The following FANCD2 variants were observed in gnomAD, a reference collection of about 807,000 sequenced individuals.
FANCD2 encodes Fanconi anemia group D2 protein.
In FANCD2, 131 loss-of-function variants were observed where a neutral mutation model predicts 192.3. The observed-to-expected ratio is 0.68, with a 90% CI of 0.59 to 0.79. The LOEUF (loss-of-function observed/expected upper bound fraction) is 0.79. FANCD2 is among the 30% of genes least tolerant of loss of function. The probability of loss-of-function intolerance (pLI) is 0.00; values close to 1 mark genes in which losing one functional copy is unlikely to be tolerated. For missense variants in FANCD2, 1,508 were observed against 1,701.6 expected (o/e 0.89, Z 2.00); for synonymous variants, 524 against 612.5 (o/e 0.86, Z 2.13).
intron 14 of FANCD2, among the ~76,000 whole-genome samples, chr3:10,045,101 T>TTTTTC (rs397948524): frequency 4.7e-5 from 7 of 149,080 alleles, no homozygotes; most frequent in African/African-American, 1.5e-4. Flanking sequence ...TTTTTTTTTT[T>TTTTTC]CCTGGAAGCA....
At chr3:10,055,896 T>C (rs1371549317) in intron 18 of FANCD2, among the ~76,000 whole-genome samples, 1 of 152,228 alleles carries the variant, frequency 6.6e-6, no homozygotes, top group Non-Finnish European at 1.5e-5. Context: ...TTTGTTTTGT[T>C]GAGATGGAGT....
intron 32 of FANCD2, chr3:10,083,658 G>A (rs7639624): frequency 0.23 from 34,338 of 152,082 alleles, 5,004 homozygotes; most frequent in African/African-American, 0.42. Flanking sequence ...GGAGGCCGAG[G>A]CGGGCAGATC....
intron 7 of FANCD2, among the ~76,000 whole-genome samples, chr3:10,037,937 T>C (rs1030016413): frequency 3.3e-5 from 5 of 152,152 alleles, no homozygotes; most frequent in African/African-American, 1.2e-4. Context: ...TTATAGTCAT[T>C]TTTATGTTCT....
intron 2 of FANCD2, 102 bp from the exon 3 acceptor site, chr3:10,032,730 T>A (rs771978225): frequency 1.0e-6 from 1 of 999,590 alleles, no homozygotes; most frequent in East Asian, 2.4e-5. Context: ...GTATAATTTT[T>A]AAGGACACAT....
At chr3:10,073,495 G>A in intron 28 of FANCD2, 133 bp downstream of exon 28, 1 of 783,360 alleles carries the variant, frequency 1.3e-6, no homozygotes, top group Non-Finnish European at 2.3e-6. Context: ...TTAGGCGTTG[G>A]AGTAATCTCC....
rs56347566 is a variant in FANCD2, at chr3:10,066,282, T to C, written c.2385+303T>C. Among the ~76,000 whole-genome samples, 1,277 of 152,350 alleles carry C rather than the reference T, an allele frequency of 8.4e-3. 22 individuals are homozygous for C. The highest frequency in any genetic ancestry group is 0.029 in the African/African-American group (1,197 of 41,576). ...CCTGGCACAGGCATATGCCTACTGT[T>C]TTGATTCAGTGAGTGGTGGTAGTTT... is the stretch of plus-strand genomic sequence containing the variant. On this transcript the variant is annotated intron_variant, in intron 25 of 43. Transcript: ENST00000675286.
rs1019595741 is a variant in FANCD2 at position 10,046,482 on chromosome 3, A to G, written c.1135-98A>G. 1.2e-5 allele frequency: 19 copies of G among 1,564,210 alleles called. No homozygotes were observed. The African/African-American group carries it at 2.0e-4, about 17-fold the overall frequency. On this transcript the variant is annotated intron_variant, in intron 14 of 43. Transcript: ENST00000675286. ...TGTGTGGAACAAATGAGCATTATCC[A>G]TTCTGTGTTTTAATTAGAGGAAAAG...
At chr3:10,035,093 C>T in intron 5 of FANCD2, 80 bp from the exon 6 acceptor site, 2 of 1,228,840 alleles carry the variant, frequency 1.6e-6, no homozygotes, top group Non-Finnish European at 2.4e-6. Flanking sequence ...ATGTATTTAA[C>T]CAATTTTATT....
intron 17 of FANCD2, among the ~76,000 whole-genome samples, chr3:10,050,212 T>C (rs537682377): frequency 7.2e-5 from 11 of 152,302 alleles, no homozygotes; most frequent in South Asian, 6.2e-4. Context: ...GATTGGAGAC[T>C]GCTGAAATGG....
intron 26 of FANCD2, 98 bp downstream of exon 26, chr3:10,067,415 CA>C: frequency 1.4e-6 from 1 of 739,246 alleles, no homozygotes. Flanking sequence ...AAAGACACAT[CA>C]AAAAAAGAAA....
intron 40 of FANCD2, chr3:10,094,931 C>T (rs1694862662): frequency 2.1e-6 from 1 of 485,494 alleles, no homozygotes; most frequent in South Asian, 2.2e-5. Context: ...CCTAATGTTG[C>T]AGATGGGAAA....
At chr3:10,046,860 T>C in intron 15 of FANCD2, 137 bp downstream of exon 15, 5 of 766,994 alleles carry the variant, frequency 6.5e-6, no homozygotes, top group Non-Finnish European at 1.1e-5. Context: ...ATCATTTTAA[T>C]TGTCTATCTC....
chr3:10,055,345 A>T (rs919411922), intron 18 of FANCD2, among the ~76,000 whole-genome samples: 124 of 152,216 alleles, frequency 8.1e-4, no homozygotes, highest in African/African-American at 2.9e-3. Flanking sequence ...CCCACCCCCT[A>T]ATAATCACTA....
chr3:10,079,647 C>T (rs1693723217), intron 30 of FANCD2, among the ~76,000 whole-genome samples: 1 of 152,110 alleles, frequency 6.6e-6, no homozygotes. Flanking sequence ...TTCTAAATGC[C>T]CTGAACATTC....
In FANCD2 at chr3:10,101,377, C is replaced by A; in HGVS notation, c.*115C>A. The A allele has an allele frequency of 1.0e-5, 4 of 388,316 alleles. No individual in the cohort carries two copies. The highest frequency in any genetic ancestry group is 1.4e-5 in the Non-Finnish European group (3 of 218,362). 24.1% of individuals were successfully genotyped at this position (388,316 alleles called of 1,614,324 possible). A position where few individuals can be genotyped will look rare whatever the true frequency, so the allele number is the denominator to read the frequency against. On this transcript the variant is annotated 3_prime_UTR_variant, in exon 44 of 44. Transcript: ENST00000675286. ...ACTGGTAGGATCCTTTTTTGTTCCT[C>A]TTTTTTTTTTTTTTTTTTTTTTTTT...
intron 32 of FANCD2, among the ~76,000 whole-genome samples, chr3:10,081,682 G>T (rs35480284): frequency 6.6e-6 from 1 of 152,270 alleles, no homozygotes; most frequent in East Asian, 1.9e-4. Flanking sequence ...TGACAGATTA[G>T]GTGACTTGCT....
intron 28 of FANCD2, 149 bp downstream of exon 28, chr3:10,073,511 A>G (rs1693369833): frequency 1.3e-6 from 1 of 747,244 alleles, no homozygotes; most frequent in Non-Finnish European, 2.4e-6. Flanking sequence ...TCTCCTTAGT[A>G]GCAAAGTTCA....
At chr3:10,084,772 G>A (rs994772938) in intron 32 of FANCD2, among the ~76,000 whole-genome samples, 3 of 152,312 alleles carry the variant, frequency 2.0e-5, no homozygotes, top group East Asian at 1.9e-4. Context: ...GATCTAGGAC[G>A]TCAGATTGTG....
rs371757266 is a variant in FANCD2, at chr3:10,098,810, A to G, written c.4276A>G (p.Thr1426Ala). ...MSSQASKSKA[T>A]EDGEEDEVSA... ...ATCCCAGGCCTCCAAGAGCAAAGCC[A>G]CTGAGGTATCTCTACAAAACCCACC... The change falls in exon 43 of 44, where the codon ACT becomes GCT. Residue 1426 changes from threonine (T) to alanine (A), a missense_variant. By Grantham distance (58) the Thr-to-Ala change is moderately conservative. Transcript: ENST00000675286. 40 of 1,614,108 alleles carry G rather than the reference A, an allele frequency of 2.5e-5. No homozygotes were observed. Among genetic ancestry groups the G allele is most frequent in the Non-Finnish European group, 3.3e-5 (39 of 1,180,042 alleles).
Sources: gnomAD v4.1 joint callset for allele counts (sites outside exome capture counted in the v4.1 genomes callset) on GRCh38, gnomAD v4.1.1 for gene constraint, MANE v1.5 for transcripts, NCBI Gene and HGNC (gene_info 2026-07-23, HGNC 2026-07-21) for gene names.